The following RNASEH2B variants were observed in gnomAD, a reference collection of about 807,000 sequenced individuals.
The protein encoded by RNASEH2B is ribonuclease H2 subunit B.
A neutral mutation model predicts 45.0 loss-of-function variants in RNASEH2B; 36 were observed. The ratio of observed to expected loss-of-function variants is 0.80; its 90% CI spans 0.61 to 1.06. RNASEH2B has a LOEUF of 1.06. RNASEH2B is among the 50% of genes least tolerant of loss of function. The pLI, the probability that RNASEH2B is intolerant of heterozygous loss-of-function variation, is 0.00. For synonymous variants in RNASEH2B, 119 were observed against 125.7 expected, an observed-to-expected ratio of 0.95 and a Z score of 0.35; for missense variants, 361 against 360.3, an observed-to-expected ratio of 1.00 and a Z score of -0.02.
chr13:50,946,968 C>T (rs1425817184), intron 7 of RNASEH2B, among the ~76,000 whole-genome samples: 2 of 152,170 alleles, frequency 1.3e-5, no homozygotes, highest in South Asian at 2.1e-4. Flanking sequence ...ACTTTCAGTT[C>T]TCCATTGACA....
At chr13:50,930,990 T>G in intron 4 of RNASEH2B, 1 of 554,350 alleles carries the variant, frequency 1.8e-6, no homozygotes, top group South Asian at 2.0e-5. Context: ...GCTTGTGACC[T>G]CTGACTTGCC....
At chr13:50,969,873 G>T in intron 9 of RNASEH2B, 1 of 1,505,302 alleles carries the variant, frequency 6.6e-7, no homozygotes, top group Non-Finnish European at 9.1e-7. Flanking sequence ...GGTGCTTGGG[G>T]TTTCAGGTGA....
intron 1 of RNASEH2B, among the ~76,000 whole-genome samples, chr13:50,920,979 T>C (rs1008521044): frequency 5.9e-5 from 9 of 152,250 alleles, no homozygotes; most frequent in Non-Finnish European, 8.8e-5. Flanking sequence ...TAAGCCGTTA[T>C]GTAACTCTGT....
In RNASEH2B at chr13:50,935,008, T is replaced by C; in HGVS notation, c.436+9T>C. The C allele has an allele frequency of 6.4e-7, 1 of 1,562,196 alleles. No individual in the cohort carries two copies. Among genetic ancestry groups the C allele is most frequent in the Non-Finnish European group, 8.8e-7 (1 of 1,132,870 alleles). ...TGTGACAGAGGAAAAAGGTATGGTA[T>C]AACTTAAAGGCTTATGGCTGGTAGA... is the stretch of plus-strand genomic sequence containing the variant. On this transcript the variant is annotated intron_variant, in intron 5 of 10. Coordinates refer to ENST00000336617, the MANE Select transcript of RNASEH2B (RefSeq NM_024570.4).
rs866597039 is a variant in RNASEH2B, at chr13:50,935,107, A to G, written c.436+108A>G. On this transcript the variant is annotated intron_variant, in intron 5 of 10. Transcript: ENST00000336617. ...GTAAGGCTTATTCTGTGTCCACCAT[A>G]GGGAAAACTATCATTCAGATTTGCT... The G allele has an allele frequency of 6.8e-6, 5 of 738,398 alleles. No individual in the cohort carries two copies. The Middle Eastern group carries it at 9.1e-4, about 135-fold the overall frequency. 45.7% of individuals were successfully genotyped at this position (738,398 alleles called of 1,614,324 possible).
At chr13:50,925,767 G>A (rs556264739) in intron 1 of RNASEH2B, among the ~76,000 whole-genome samples, 14 of 152,200 alleles carry the variant, frequency 9.2e-5, no homozygotes, top group African/African-American at 3.1e-4. Context: ...TACTTAAGTA[G>A]GACCCTCTGC....
chr13:50,961,662 A>G (rs1952112697), downstream of RNASEH2B, among the ~76,000 whole-genome samples: 1 of 152,124 alleles, frequency 6.6e-6, no homozygotes, highest in Admixed American at 6.5e-5. Context: ...AGATCTAGGC[A>G]GTAGGTATGC....
chr13:50,944,944 A>T (rs933002448), intron 6 of RNASEH2B, among the ~76,000 whole-genome samples: 1 of 152,212 alleles, frequency 6.6e-6, no homozygotes, highest in African/African-American at 2.4e-5. Context: ...GGAAGTGGGA[A>T]ATTTATATTA....
Position 50,910,148 on chromosome 13 carries a change from C to T in RNASEH2B, c.64+8C>T, listed in dbSNP as rs957777357. On this transcript the variant is annotated splice_region_variant and intron_variant, in intron 1 of 10. Coordinates refer to ENST00000336617, the MANE Select transcript of RNASEH2B (RefSeq NM_024570.4). ...ACGTGTTCCTGGTTTCAGGTAAACA[C>T]GCGCGCCCGGGCGGCGGGGTCGGCC... 151 of 1,432,442 alleles carry T rather than the reference C, an allele frequency of 1.1e-4. 1 individual carries two copies. The Middle Eastern group carries it at 1.2e-3, about 12-fold the overall frequency. The allele number at this position is 1,432,442 out of a possible 1,614,324, so 88.7% of individuals were successfully genotyped here.
chr13:50,956,393 G>T lies in RNASEH2B; in HGVS notation c.858G>T (p.Leu286Phe), dbSNP rs1404049179. The change falls in exon 11 of 11, where the codon TTG (leucine) becomes TTT (phenylalanine). Residue 286 changes from leucine to phenylalanine, a missense_variant. Physicochemically the swap from Leu to Phe is conservative, Grantham distance 22 (BLOSUM62 0). Coordinates refer to ENST00000336617, the MANE Select transcript of RNASEH2B (RefSeq NM_024570.4). ...NSKMTAAQKA[L>F]AKVDKSGMKS... ...AAATGACTGCAGCTCAGAAGGCTTTGGCTAAAGTTGACAAGAGTGGAATGA... is the reference window on the plus strand; with the variant it reads ...AAATGACTGCAGCTCAGAAGGCTTTTGCTAAAGTTGACAAGAGTGGAATGA... 1 of 1,603,390 alleles carries T rather than the reference G, an allele frequency of 6.2e-7. No individual in the cohort carries two copies. Among genetic ancestry groups the T allele is most frequent in the South Asian group, 1.1e-5 (1 of 89,972 alleles).
In RNASEH2B at chr13:50,945,488, C is replaced by G. The variant is rs756903057; in HGVS notation, c.572C>G (p.Ser191Ter). Reference sequence around the variant, plus strand: ...GTGAATGTCAGTTCCCGGGTACAGTCAACTGCATTTTTCTCTGGTGACCAA... The same window carrying G: ...GTGAATGTCAGTTCCCGGGTACAGTGAACTGCATTTTTCTCTGGTGACCAA... ...NNVNVSSRVQ[S>*]TAFFSGDQAS... The change falls in exon 7 of 11, where the codon TCA becomes TGA. Residue 191 changes from serine (S) to a stop codon, truncating the protein, a stop_gained. Coordinates refer to ENST00000336617, the MANE Select transcript of RNASEH2B (RefSeq NM_024570.4). LOFTEE classifies it high-confidence loss of function. The G allele has an allele frequency of 1.2e-6, 2 of 1,613,690 alleles. No individual in the cohort carries two copies. The highest frequency in any genetic ancestry group is 1.1e-5 in the South Asian group (1 of 91,058).
chr13:50,922,891 A>G (rs886980758), intron 1 of RNASEH2B, among the ~76,000 whole-genome samples: 1 of 152,242 alleles, frequency 6.6e-6, no homozygotes, highest in Non-Finnish European at 1.5e-5. Flanking sequence ...TTCAGCTACT[A>G]TCAACATAGT....
chr13:50,916,613 C>G (rs957903384), intron 1 of RNASEH2B, among the ~76,000 whole-genome samples: 1 of 152,102 alleles, frequency 6.6e-6, no homozygotes, highest in Admixed American at 6.6e-5. Context: ...TGTATTGGAC[C>G]CAATGGCAAA....
intron 3 of RNASEH2B, 56 bp from the exon 4 acceptor site, chr13:50,930,627 A>T (rs1951666721): frequency 8.1e-7 from 1 of 1,232,282 alleles, no homozygotes. Flanking sequence ...AAGGTGAAAT[A>T]GCCACATTGT....
chr13:50,937,692 T>C (rs1288262355), intron 5 of RNASEH2B: 3 of 152,222 alleles, frequency 2.0e-5, no homozygotes, highest in African/African-American at 7.2e-5. Context: ...ATTTACCATA[T>C]TTATGCATTA....
intron 9 of RNASEH2B, among the ~76,000 whole-genome samples, chr13:50,965,073 T>C (rs1254842675): frequency 1.3e-5 from 2 of 152,246 alleles, no homozygotes; most frequent in African/African-American, 4.8e-5. Context: ...AGACTGCATA[T>C]GCGATGGTGG....
At chr13:50,915,749 T>G (rs572721225) in intron 1 of RNASEH2B, among the ~76,000 whole-genome samples, 1 of 152,192 alleles carries the variant, frequency 6.6e-6, no homozygotes, top group Non-Finnish European at 1.5e-5. Context: ...GATGACTGTT[T>G]GCTAAAGCAG....
chr13:50,970,049 T>C, exon 10 of RNASEH2B: 1 of 1,376,038 alleles, frequency 7.3e-7, no homozygotes. Context: ...TTCTGCACTT[T>C]TTTGGAAAAT....
rs370507842 is a variant in RNASEH2B, at chr13:50,956,430, A to C, written c.895A>C (p.Thr299Pro). 6.2e-7 allele frequency: 1 copy of C among 1,600,604 alleles called. No individual in the cohort carries two copies. Among genetic ancestry groups the C allele is most frequent in the East Asian group, 2.2e-5 (1 of 44,602 alleles). ...VDKSGMKSID[T>P]FFGVKNKKKI... ...CAAGAGTGGAATGAAAAGTATTGAT[A>C]CCTTTTTTGGGGTAAAAAATAAAAA... Residue 299 changes from threonine (T) to proline (P), a missense_variant, in exon 11 of 11, where the codon ACC becomes CCC. Thr to Pro is a conservative substitution (Grantham distance 38, BLOSUM62 -1). Coordinates refer to ENST00000336617, the MANE Select transcript of RNASEH2B (RefSeq NM_024570.4).
Sources: allele counts gnomAD v4.1 joint callset (sites outside exome capture counted in the v4.1 genomes callset), GRCh38; gene constraint gnomAD v4.1.1; transcripts MANE v1.5; gene names NCBI Gene and HGNC (gene_info 2026-07-23, HGNC 2026-07-21).